The following DISC1 variants were observed in gnomAD, a reference collection of about 807,000 sequenced individuals.
DISC1 encodes disrupted in schizophrenia 1 protein.
Under a neutral mutation model 84.5 loss-of-function variants are expected in DISC1, and 57 were observed. The ratio of observed to expected loss-of-function variants is 0.67; its 90% CI spans 0.55 to 0.84. The LOEUF is 0.84. DISC1 is among the 40% of genes least tolerant of loss of function. The probability of loss-of-function intolerance (pLI) is 0.00; values close to 1 mark genes in which losing one functional copy is unlikely to be tolerated. For missense variants in DISC1, 1,000 were observed against 1,057.8 expected (o/e 0.95, Z 0.76); for synonymous variants, 411 against 415.2 (o/e 0.99, Z 0.12).
chr1:231,955,674 G>C (rs892644860), intron 9 of DISC1, among the ~76,000 whole-genome samples: 1 of 151,940 alleles, frequency 6.6e-6, no homozygotes, highest in Admixed American at 6.6e-5. Context: ...ATTTTTAGTA[G>C]AGACGGGGTT....
intron 9 of DISC1, among the ~76,000 whole-genome samples, chr1:231,907,023 C>CT (rs1323352800): frequency 6.8e-6 from 1 of 146,214 alleles, no homozygotes; most frequent in African/African-American, 2.5e-5. Flanking sequence ...TCTTTTTCTT[C>CT]TCTCTCTCTC....
intron 9 of DISC1, among the ~76,000 whole-genome samples, chr1:231,935,277 A>C (rs1307568414): frequency 6.6e-6 from 1 of 152,208 alleles, no homozygotes; most frequent in African/African-American, 2.4e-5. Context: ...GATTTTTTCC[A>C]ACAATCTCAT....
intron 2 of DISC1, among the ~76,000 whole-genome samples, chr1:231,697,691 C>G (rs1280195358): frequency 2.0e-5 from 3 of 148,882 alleles, no homozygotes; most frequent in Non-Finnish European, 4.4e-5. Context: ...CTCAAATGAT[C>G]CTCCTGCCTC....
At chr1:231,639,309 T>C (rs2059439734) in intron 1 of DISC1, among the ~76,000 whole-genome samples, 1 of 152,166 alleles carries the variant, frequency 6.6e-6, no homozygotes, top group African/African-American at 2.4e-5. Flanking sequence ...CAAAGCACAT[T>C]ATCATGATTT....
chr1:232,000,061 A>T (rs1317129238), intron 10 of DISC1, among the ~76,000 whole-genome samples: 1 of 152,210 alleles, frequency 6.6e-6, no homozygotes, highest in East Asian at 1.9e-4. Flanking sequence ...AGATATAATT[A>T]GGAACCATTC....
chr1:231,923,063 G>A (rs927615886), intron 9 of DISC1, among the ~76,000 whole-genome samples: 1 of 152,152 alleles, frequency 6.6e-6, no homozygotes, highest in Non-Finnish European at 1.5e-5. Context: ...AGATCATGAG[G>A]TCAGGACATT....
chr1:231,822,501 G>A (rs2081565826), intron 9 of DISC1, among the ~76,000 whole-genome samples: 1 of 152,144 alleles, frequency 6.6e-6, no homozygotes, highest in South Asian at 2.1e-4. Flanking sequence ...TGGAGTAGAG[G>A]CACCTTTCCA....
intron 1 of DISC1, among the ~76,000 whole-genome samples, chr1:231,670,141 T>C (rs1249276229): frequency 2.0e-5 from 3 of 152,158 alleles, no homozygotes; most frequent in African/African-American, 7.2e-5. Flanking sequence ...TTCTCACTTA[T>C]AAGTGGGAGC....
chr1:231,782,015 G>A (rs2077464213), intron 6 of DISC1, among the ~76,000 whole-genome samples: 1 of 152,186 alleles, frequency 6.6e-6, no homozygotes, highest in African/African-American at 2.4e-5. Flanking sequence ...TGATAGCTAG[G>A]CTGCTAAGAT....
At chr1:231,872,405 A>G (rs12124358) in intron 9 of DISC1, among the ~76,000 whole-genome samples, 2 of 152,146 alleles carry the variant, frequency 1.3e-5, no homozygotes, top group Admixed American at 6.5e-5. Flanking sequence ...TGCTCCTGAA[A>G]GTTTGACCCT....
chr1:231,776,124 A>C (rs555995097), intron 6 of DISC1, among the ~76,000 whole-genome samples: 1 of 151,970 alleles, frequency 6.6e-6, no homozygotes, highest in Non-Finnish European at 1.5e-5. Flanking sequence ...TGTTGGTTTT[A>C]TGTGTCTGGA....
chr1:231,645,713 C>T (rs991254981), intron 1 of DISC1, among the ~76,000 whole-genome samples: 1 of 152,020 alleles, frequency 6.6e-6, no homozygotes, highest in African/African-American at 2.4e-5. Context: ...TGTCCTGTGT[C>T]CAAGTGTTCT....
At chr1:231,891,678 G>A (rs1386711203) in intron 9 of DISC1, among the ~76,000 whole-genome samples, 2 of 152,184 alleles carry the variant, frequency 1.3e-5, no homozygotes, top group East Asian at 3.9e-4. Context: ...CCCAATAAGA[G>A]GAGTTGTTGG....
intron 9 of DISC1, among the ~76,000 whole-genome samples, chr1:231,848,453 C>A (rs575486510): frequency 6.6e-6 from 1 of 152,130 alleles, no homozygotes; most frequent in Admixed American, 6.5e-5. Context: ...TCCATCTGAA[C>A]CATCTGGAAA....
At chr1:231,923,944 G>T (rs575589352) in intron 9 of DISC1, among the ~76,000 whole-genome samples, 3 of 152,146 alleles carry the variant, frequency 2.0e-5, no homozygotes, top group Admixed American at 2.0e-4. Flanking sequence ...CTATGTGCTC[G>T]GTTTCTGAAG....
chr1:231,935,703 T>C (rs2090944307), intron 9 of DISC1, among the ~76,000 whole-genome samples: 1 of 152,230 alleles, frequency 6.6e-6, no homozygotes, highest in Non-Finnish European at 1.5e-5. Flanking sequence ...ACAATTGCCC[T>C]TGAAAATTCC....
intron 1 of DISC1, among the ~76,000 whole-genome samples, chr1:231,688,407 A>C (rs2064572199): frequency 6.6e-6 from 1 of 152,258 alleles, no homozygotes; most frequent in Non-Finnish European, 1.5e-5. Flanking sequence ...ATGCGTCTGC[A>C]TCGGGACTGA....
intron 3 of DISC1, among the ~76,000 whole-genome samples, chr1:231,735,411 TG>T (rs2072350706): frequency 6.6e-6 from 1 of 152,192 alleles, no homozygotes; most frequent in African/African-American, 2.4e-5. Context: ...ATACTTCCTA[TG>T]GGAAAGAGGT....
At chr1:231,996,228 A>G (rs1665936225) in intron 10 of DISC1, among the ~76,000 whole-genome samples, 2 of 152,078 alleles carry the variant, frequency 1.3e-5, no homozygotes, top group Admixed American at 6.5e-5. Context: ...TTCATTGTAG[A>G]TTCTGGATAT....
Sources: gnomAD v4.1 joint callset for allele counts (sites outside exome capture counted in the v4.1 genomes callset) on GRCh38, gnomAD v4.1.1 for gene constraint, MANE v1.5 for transcripts, NCBI Gene and HGNC (gene_info 2026-07-23, HGNC 2026-07-21) for gene names.